The following NFIB variants were observed in gnomAD, a reference collection of about 807,000 sequenced individuals.
NFIB encodes the protein nuclear factor 1 B-type.
In NFIB, 11 loss-of-function variants were observed where a neutral mutation model predicts 61.5. The ratio of observed to expected loss-of-function variants is 0.18; its 90% CI spans 0.11 to 0.30. The LOEUF is 0.30. Ranked by LOEUF, NFIB falls within the 10% of genes least tolerant of loss-of-function variation. The pLI is 1.00. For synonymous variants in NFIB, 260 were observed against 216.5 expected, an observed-to-expected ratio of 1.20 and a Z score of -1.76; for missense variants, 471 against 608.9, an observed-to-expected ratio of 0.77 and a Z score of 2.38.
chr9:14,423,407 G>C, the NFIB span, among the ~76,000 whole-genome samples: 2 of 152,158 alleles, frequency 1.3e-5, no homozygotes, highest in African/African-American at 2.4e-5. Context: ...CAAGGGGACT[G>C]ATTTTTTTCT....
chr9:14,479,259 G>T, the NFIB span, among the ~76,000 whole-genome samples: 4 of 152,194 alleles, frequency 2.6e-5, no homozygotes, highest in Non-Finnish European at 5.9e-5. Context: ...GGGGCTCTGG[G>T]AGTGCATGTA....
At chr9:14,439,057 C>G in the NFIB span, among the ~76,000 whole-genome samples, 1 of 152,132 alleles carries the variant, frequency 6.6e-6, no homozygotes, top group African/African-American at 2.4e-5. Flanking sequence ...CTAACCAATC[C>G]CTGTGGAGCT....
intron 2 of NFIB, among the ~76,000 whole-genome samples, chr9:14,294,789 T>C (rs2059318690): frequency 6.6e-6 from 1 of 152,188 alleles, no homozygotes; most frequent in Non-Finnish European, 1.5e-5. Flanking sequence ...CATATAAGAA[T>C]ATGATGCCTT....
chr9:14,289,985 T>A (rs28754597), intron 2 of NFIB, among the ~76,000 whole-genome samples: 48,392 of 151,554 alleles, frequency 0.32, 7,902 homozygotes, highest in Admixed American at 0.35. Flanking sequence ...TAGGCAACAG[T>A]TACGAGTATG....
chr9:14,174,980 G>A (rs1012115024), intron 3 of NFIB, among the ~76,000 whole-genome samples: 2 of 151,630 alleles, frequency 1.3e-5, no homozygotes, highest in African/African-American at 4.8e-5. Flanking sequence ...AGCAAATATC[G>A]GCTCTAGTGA....
intron 2 of NFIB, among the ~76,000 whole-genome samples, chr9:14,222,618 C>G (rs572646750): frequency 6.6e-6 from 1 of 151,880 alleles, no homozygotes; most frequent in Non-Finnish European, 1.5e-5. Flanking sequence ...GCCTGGGCAA[C>G]AAAGTGAGAC....
At chr9:14,405,883 T>C in the NFIB span, among the ~76,000 whole-genome samples, 1 of 152,194 alleles carries the variant, frequency 6.6e-6, no homozygotes, top group Admixed American at 6.5e-5. Flanking sequence ...CTAAGAACTA[T>C]GACTAGGGAA....
chr9:14,229,498 T>G (rs1399765777), intron 2 of NFIB, among the ~76,000 whole-genome samples: 1 of 152,230 alleles, frequency 6.6e-6, no homozygotes, highest in Non-Finnish European at 1.5e-5. Context: ...GCCTGGCTCC[T>G]AAATATAAAC....
intron 1 of NFIB, among the ~76,000 whole-genome samples, chr9:14,389,426 C>T (rs1356049829): frequency 6.6e-6 from 1 of 152,050 alleles, no homozygotes; most frequent in Non-Finnish European, 1.5e-5. Flanking sequence ...TAAATAGATC[C>T]ATATGCTTAT....
intron 4 of NFIB, among the ~76,000 whole-genome samples, chr9:14,154,081 GT>G (rs1337621895): frequency 6.6e-6 from 1 of 151,964 alleles, no homozygotes; most frequent in Non-Finnish European, 1.5e-5. Context: ...ATTTACCTTG[GT>G]TTTGAACTGT....
chr9:14,270,764 T>C (rs1254641990), intron 2 of NFIB, among the ~76,000 whole-genome samples: 4 of 152,086 alleles, frequency 2.6e-5, no homozygotes, highest in Non-Finnish European at 5.9e-5. Context: ...AAATTACATA[T>C]TGAGGTGACA....
chr9:14,487,950 G>C, the NFIB span, among the ~76,000 whole-genome samples: 2 of 152,146 alleles, frequency 1.3e-5, no homozygotes, highest in Non-Finnish European at 1.5e-5. Flanking sequence ...GAAGCCTCTG[G>C]TTCTGAGGCC....
intron 1 of NFIB, among the ~76,000 whole-genome samples, chr9:14,319,624 A>T (rs1338562936): frequency 4.6e-5 from 7 of 152,230 alleles, no homozygotes; most frequent in Non-Finnish European, 1.5e-5. Context: ...TCTATTACCC[A>T]TATACACATG....
At chr9:14,129,860 TAAA>T (rs1485897286) in intron 6 of NFIB, among the ~76,000 whole-genome samples, 1 of 152,024 alleles carries the variant, frequency 6.6e-6, no homozygotes, top group Non-Finnish European at 1.5e-5. Context: ...ATACATAAAA[TAAA>T]GCAGCTGAAA....
At chr9:14,394,932 G>A (rs552171911) in intron 1 of NFIB, among the ~76,000 whole-genome samples, 1 of 152,164 alleles carries the variant, frequency 6.6e-6, no homozygotes, top group African/African-American at 2.4e-5. Flanking sequence ...TTAATGAATT[G>A]CAATTATTAT....
intron 2 of NFIB, among the ~76,000 whole-genome samples, chr9:14,289,261 CAT>C (rs889260913): frequency 5.6e-4 from 85 of 150,482 alleles, no homozygotes; most frequent in African/African-American, 1.1e-3. Flanking sequence ...CACACACACA[CAT>C]ATACATGTAC....
At chr9:14,518,308 A>T in the NFIB span, among the ~76,000 whole-genome samples, 5 of 152,164 alleles carry the variant, frequency 3.3e-5, no homozygotes, top group South Asian at 4.2e-4. Flanking sequence ...CAGGCAACTC[A>T]TGACTTGCTC....
chr9:14,415,146 G>T, the NFIB span, among the ~76,000 whole-genome samples: 1 of 152,140 alleles, frequency 6.6e-6, no homozygotes, highest in Non-Finnish European at 1.5e-5. Flanking sequence ...GCTCACTCAG[G>T]TTCTTAATAG....
At chr9:14,103,922 TTC>T (rs987707348) in intron 10 of NFIB, among the ~76,000 whole-genome samples, 1 of 151,632 alleles carries the variant, frequency 6.6e-6, no homozygotes, top group Non-Finnish European at 1.5e-5. Flanking sequence ...AAAATAAATA[TTC>T]TTTTTTTTTT....
Sources: allele counts gnomAD v4.1 joint callset (sites outside exome capture counted in the v4.1 genomes callset), GRCh38; gene constraint gnomAD v4.1.1; transcripts MANE v1.5; gene names NCBI Gene and HGNC (gene_info 2026-07-23, HGNC 2026-07-21).